AXIN2: variants seen among roughly 807,000 people sequenced by gnomAD.
The protein encoded by AXIN2 is axin-2.
A neutral mutation model predicts 74.7 loss-of-function variants in AXIN2; 21 were observed. That is an observed-to-expected ratio of 0.28 (90% CI 0.20 to 0.40). The LOEUF is 0.40. Ranked by LOEUF, AXIN2 falls within the 10% of genes least tolerant of loss-of-function variation. AXIN2 has a pLI of 1.00. For synonymous variants in AXIN2, 532 were observed against 454.9 expected (o/e 1.17, Z -2.16); for missense variants, 1,144 against 1,111.1 (o/e 1.03, Z -0.42).
chr17:65,538,299 G>T lies in AXIN2; in HGVS notation c.1104C>A (p.Ala368=). The part of the protein sequence containing the change: ...LPKEMTPVEP[A]TFAAELISRL... The stretch of plus-strand genomic sequence containing the variant: ...TCGAGATCAGCTCAGCTGCAAAGGT[G>T]GCGGGTTCCACGGGGGTCATCTCCT... The change falls in exon 5 of 11, where the codon GCC becomes GCA. Residue 368 remains alanine (A), a synonymous_variant. Transcript: ENST00000307078. 1 of 1,614,214 alleles carries T rather than the reference G, an allele frequency of 6.2e-7. No individual in the cohort carries two copies. The highest frequency in any genetic ancestry group is 8.5e-7 in the Non-Finnish European group (1 of 1,180,042).
intron 3 of AXIN2, among the ~76,000 whole-genome samples, chr17:65,542,268 T>C (rs2044055111): frequency 6.6e-6 from 1 of 152,224 alleles, no homozygotes; most frequent in South Asian, 2.1e-4. Context: ...GTGCAATCCA[T>C]TTAAAGATTA....
At chr17:65,530,677 C>G (rs2043801212) in intron 10 of AXIN2, among the ~76,000 whole-genome samples, 1 of 152,216 alleles carries the variant, frequency 6.6e-6, no homozygotes, top group Non-Finnish European at 1.5e-5. Flanking sequence ...CTGGATGGCC[C>G]TGGCACAGCC....
chr17:65,555,185 G>A (rs2144569149), intron 2 of AXIN2, among the ~76,000 whole-genome samples: 1 of 152,260 alleles, frequency 6.6e-6, no homozygotes, highest in East Asian at 1.9e-4. Context: ...CCTGGCCAGT[G>A]CCCCAGGCAT....
In AXIN2 at chr17:65,533,909, T is replaced by C. The variant is rs1032225843; in HGVS notation, c.2405+3A>G. ...GAGCAGAAAAAAGCCACAGGACTCT[T>C]ACCTATAATTTCCCTTTTTGCTGAG... On this transcript the variant is annotated splice_donor_region_variant and intron_variant, in intron 10 of 10. Coordinates refer to ENST00000307078, the MANE Select transcript of AXIN2 (RefSeq NM_004655.4). 5.6e-6 allele frequency: 9 copies of C among 1,613,546 alleles called. No individual in the cohort carries two copies. The highest frequency in any genetic ancestry group is 4.0e-5 in the African/African-American group (3 of 75,036).
At chr17:65,534,496 G>A (rs866370163) in intron 9 of AXIN2, among the ~76,000 whole-genome samples, 1 of 152,152 alleles carries the variant, frequency 6.6e-6, no homozygotes. Flanking sequence ...CCCAGAGCAG[G>A]ACACCTTTGG....
chr17:65,559,948 C>G (rs908566033), intron 1 of AXIN2: 1 of 152,170 alleles, frequency 6.6e-6, no homozygotes, highest in Non-Finnish European at 1.5e-5. Context: ...GGAGCGGCCC[C>G]GTTACCTGGA....
chr17:65,534,757 T>C (rs1231900761), intron 9 of AXIN2, among the ~76,000 whole-genome samples: 2 of 152,104 alleles, frequency 1.3e-5, no homozygotes, highest in African/African-American at 2.4e-5. Context: ...GGCGAAACCC[T>C]GTCTCTACTA....
intron 7 of AXIN2, 52 bp from the exon 8 acceptor site, chr17:65,536,605 A>C (rs2043924727): frequency 1.3e-6 from 2 of 1,593,782 alleles, no homozygotes; most frequent in Admixed American, 1.7e-5. Flanking sequence ...CTGGGTTAGA[A>C]GAACTGGAAA....
chr17:65,542,201 C>G lies in AXIN2; in HGVS notation c.957-644G>C, dbSNP rs528083841. 2.0e-5 allele frequency among the ~76,000 whole-genome samples: 3 copies of G among 152,290 alleles called. No individual in the cohort carries two copies. In the South Asian group the frequency reaches 6.2e-4, roughly 32 times the overall value. Reference sequence around the variant, plus strand: ...CTACCACCCCCAACCAATGAATTTTCAAAGACACATGACCAATGTGGGCAT... The same window carrying G: ...CTACCACCCCCAACCAATGAATTTTGAAAGACACATGACCAATGTGGGCAT... On this transcript the variant is annotated intron_variant, in intron 3 of 10. Transcript: ENST00000307078.
chr17:65,546,695 T>C (rs2044124361), intron 3 of AXIN2, among the ~76,000 whole-genome samples: 1 of 152,194 alleles, frequency 6.6e-6, no homozygotes, highest in African/African-American at 2.4e-5. Context: ...GTTAATCTGA[T>C]AACCTGCGCA....
chr17:65,557,773 G>A (rs1193057617), intron 2 of AXIN2, 33 bp downstream of exon 2: 2 of 1,604,792 alleles, frequency 1.2e-6, no homozygotes, highest in East Asian at 2.2e-5. Context: ...AAAGTCCACA[G>A]CATCAGCCCA....
intron 10 of AXIN2, among the ~76,000 whole-genome samples, chr17:65,532,612 C>T: frequency 6.6e-6 from 1 of 152,232 alleles, no homozygotes; most frequent in East Asian, 1.9e-4. Context: ...CCCGCCCAAA[C>T]TAACTCCCAG....
At chr17:65,549,801 G>A (rs1308677605) in intron 2 of AXIN2, 141 bp from the exon 3 acceptor site, 2 of 1,150,900 alleles carry the variant, frequency 1.7e-6, no homozygotes, top group African/African-American at 3.1e-5. Flanking sequence ...TGCTCACCTG[G>A]GCAGAAAGCA....
In AXIN2 at chr17:65,538,308, C is replaced by T. The variant is rs754059595; in HGVS notation, c.1095G>A (p.Val365=). The part of the protein sequence containing the change: ...THRLPKEMTP[V]EPATFAAELI... Reference sequence around the variant, plus strand: ...GCTCAGCTGCAAAGGTGGCGGGTTCCACGGGGGTCATCTCCTTGGGCAGGC... The same window carrying T: ...GCTCAGCTGCAAAGGTGGCGGGTTCTACGGGGGTCATCTCCTTGGGCAGGC... Residue 365 remains valine, a synonymous_variant, in exon 5 of 11, where the codon GTG becomes GTA. Transcript: ENST00000307078. 2.5e-6 allele frequency: 4 copies of T among 1,614,178 alleles called. No homozygotes were observed. The highest frequency in any genetic ancestry group is 3.4e-6 in the Non-Finnish European group (4 of 1,180,032).
Position 65,536,474 on chromosome 17 carries a change from A to C in AXIN2, c.1987T>G (p.Trp663Gly), listed in dbSNP as rs770763142. The C allele has an allele frequency of 1.1e-5, 17 of 1,613,888 alleles. No homozygotes were observed. The highest frequency in any genetic ancestry group is 1.6e-4 in the Middle Eastern group (1 of 6,062). ...PGERASRHHL[W>G]GGNSGHPRTT... Reference sequence around the variant, plus strand: ...CGGGGGTGCCCGCTGTTGCCCCCCCACAGATGGTGCCGGCTGGCTCGTTCG... The same window carrying C: ...CGGGGGTGCCCGCTGTTGCCCCCCCCCAGATGGTGCCGGCTGGCTCGTTCG... The change falls in exon 8 of 11, where the codon TGG becomes GGG. Residue 663 changes from tryptophan to glycine, a missense_variant. Coordinates refer to ENST00000307078, the MANE Select transcript of AXIN2 (RefSeq NM_004655.4).
chr17:65,560,948 G>T (rs1364241198), intron 1 of AXIN2: 2 of 148,204 alleles, frequency 1.3e-5, no homozygotes, highest in Non-Finnish European at 3.0e-5. Flanking sequence ...CGCGGCGTCG[G>T]GGAACATGGG....
chr17:65,533,375 T>C (rs35932683), intron 10 of AXIN2, among the ~76,000 whole-genome samples: 11,861 of 152,260 alleles, frequency 0.078, 497 homozygotes, highest in South Asian at 0.12. Flanking sequence ...CCAGGGAGGC[T>C]GTTCAGGTGG....
At chr17:65,531,025 C>G (rs2043806782) in intron 10 of AXIN2, among the ~76,000 whole-genome samples, 1 of 152,184 alleles carries the variant, frequency 6.6e-6, no homozygotes, top group Admixed American at 6.5e-5. Context: ...TCCCTGTCCC[C>G]AGCCAAGGGA....
chr17:65,537,929 C>T, intron 5 of AXIN2, 94 bp from the exon 6 acceptor site: 2 of 1,458,744 alleles, frequency 1.4e-6, no homozygotes, highest in Non-Finnish European at 1.8e-6. Flanking sequence ...CGCAGGAGCA[C>T]GCACACCCGT....
Sources: allele counts gnomAD v4.1 joint callset (sites outside exome capture counted in the v4.1 genomes callset), GRCh38; gene constraint gnomAD v4.1.1; transcripts MANE v1.5; gene names NCBI Gene and HGNC (gene_info 2026-07-23, HGNC 2026-07-21).